RGS1: variants seen among roughly 807,000 people sequenced by gnomAD.
RGS1 encodes the protein B-cell activation protein BL34.
RGS1 carries 11 observed loss-of-function variants against 22.2 expected under a neutral mutation model. The observed-to-expected ratio is 0.50, with a 90% confidence interval of 0.31 to 0.82. RGS1 has a LOEUF of 0.82. RGS1 is among the 40% of genes least tolerant of loss of function. RGS1 has a pLI of 0.04. For missense variants in RGS1, 255 were observed against 245.8 expected, an observed-to-expected ratio of 1.04 and a Z score of -0.25; for synonymous variants, 81 against 79.9, an observed-to-expected ratio of 1.01 and a Z score of -0.07.
At chr1:192,576,694 A>G (rs2102319079) in intron 2 of RGS1, 80 bp from the exon 3 acceptor site, 2 of 1,203,364 alleles carry the variant, frequency 1.7e-6, no homozygotes, top group Middle Eastern at 2.0e-4. Context: ...TGAAGTTATC[A>G]AAGTGTAACA....
In RGS1 at chr1:192,579,555, A is replaced by T; in HGVS notation, c.*233A>T. ...AGGAAGATACTGTGGTACTGTCATA[A>T]AAAACAGTGGAGCTCTGTATTAGAA... On this transcript the variant is annotated 3_prime_UTR_variant, in exon 5 of 5. Transcript: ENST00000367459. The T allele has an allele frequency of 2.3e-6, 1 of 438,358 alleles. No individual in the cohort carries two copies. The allele number at this position is 438,358 out of a possible 1,614,324, so 27.2% of individuals were successfully genotyped here. A position where few individuals can be genotyped will look rare whatever the true frequency, so the allele number is the denominator to read the frequency against.
intron 4 of RGS1, chr1:192,578,797 A>G: frequency 2.8e-6 from 1 of 357,116 alleles, no homozygotes; most frequent in Non-Finnish European, 5.0e-6. Context: ...AGCAGAAAAT[A>G]TCAACAAAAA....
At chr1:192,577,786 C>T (rs1158255848) in intron 3 of RGS1, 2 of 174,290 alleles carry the variant, frequency 1.1e-5, no homozygotes, top group African/African-American at 2.4e-5. Flanking sequence ...CATTTTCTGG[C>T]TAATATAAAT....
rs764258837 is a variant in RGS1, at chr1:192,579,147, A to G, written c.455A>G (p.Asp152Gly). 2 of 1,611,264 alleles carry G rather than the reference A, an allele frequency of 1.2e-6. No individual in the cohort carries two copies. Among genetic ancestry groups the G allele is most frequent in the African/African-American group, 2.7e-5 (2 of 74,624 alleles). ...HSDAAKQINI[D>G]FRTRESTAKK... Reference sequence around the variant, plus strand: ...GGTTTTCTTTTTTAGATCAATATTGACTTCCGCACTCGAGAATCTACAGCC... The same window carrying G: ...GGTTTTCTTTTTTAGATCAATATTGGCTTCCGCACTCGAGAATCTACAGCC... The change falls in exon 5 of 5, where the codon GAC becomes GGC. Residue 152 changes from aspartate (D) to glycine (G), a missense_variant. By Grantham distance (94) the Asp-to-Gly change is moderately conservative. Coordinates refer to ENST00000367459, the MANE Select transcript of RGS1 (RefSeq NM_002922.4).
rs987679070 is a variant in RGS1 at position 192,578,303 on chromosome 1, A to G, written c.362A>G (p.Tyr121Cys). The G allele has an allele frequency of 3.7e-6, 6 of 1,613,188 alleles. No individual in the cohort carries two copies. Among genetic ancestry groups the G allele is most frequent in the African/African-American group, 1.3e-5 (1 of 74,982 alleles). ...GAGTTCTGGCTGGCTTGTGAAGACT[A>G]TAAGAAAACAGAGTCTGATCTTTTG... ...NIEFWLACED[Y>C]KKTESDLLPC... Residue 121 changes from tyrosine (Y) to cysteine (C), a missense_variant, in exon 4 of 5, where the codon TAT (tyrosine) becomes TGT (cysteine). Physicochemically the swap from Tyr to Cys is radical, Grantham distance 194. Coordinates refer to ENST00000367459, the MANE Select transcript of RGS1 (RefSeq NM_002922.4).
intron 3 of RGS1, 30 bp from the exon 4 acceptor site, chr1:192,578,192 T>C: frequency 3.2e-6 from 5 of 1,574,012 alleles, no homozygotes; most frequent in Non-Finnish European, 4.3e-6. Context: ...AATTTAATTA[T>C]CTCCCCACCC....
Position 192,578,312 on chromosome 1 carries a change from CAG to C in RGS1, c.374_375del (p.Glu125ValfsTer2), listed in dbSNP as rs774535088. ...CTGGCTTGTGAAGACTATAAGAAAA[CAG>C]AGTCTGATCTTTTGCCCTGTAAAGC... On this transcript the variant is annotated frameshift_variant, in exon 4 of 5. Coordinates refer to ENST00000367459, the MANE Select transcript of RGS1 (RefSeq NM_002922.4). LOFTEE classifies it high-confidence loss of function. 1.9e-6 allele frequency: 3 copies of C among 1,598,586 alleles called. No individual in the cohort carries two copies. Among genetic ancestry groups the C allele is most frequent in the Non-Finnish European group, 2.6e-6 (3 of 1,171,300 alleles).
intron 4 of RGS1, chr1:192,578,913 C>T (rs1012438423): frequency 4.0e-6 from 2 of 497,682 alleles, no homozygotes; most frequent in Non-Finnish European, 7.0e-6. Flanking sequence ...TTTTGCCTCT[C>T]CTAACTATAC....
At chr1:192,577,269 T>TA (rs1662078001) in intron 3 of RGS1, 1 of 154,924 alleles carries the variant, frequency 6.5e-6, no homozygotes, top group Non-Finnish European at 1.4e-5. Context: ...ATCTCACCCT[T>TA]ATGTAGAGGA....
chr1:192,578,780 T>G (rs1466570527), intron 4 of RGS1: 1 of 364,498 alleles, frequency 2.7e-6, no homozygotes, highest in Non-Finnish European at 4.9e-6. Context: ...TAAATATTCT[T>G]GGTCCAAGCA....
chr1:192,578,170 G>A, intron 3 of RGS1, 52 bp from the exon 4 acceptor site: 3 of 1,552,530 alleles, frequency 1.9e-6, no homozygotes, highest in Non-Finnish European at 2.6e-6. Flanking sequence ...TTATTCATTT[G>A]TTGGTTCATT....
chr1:192,575,885 T>C lies in RGS1; in HGVS notation c.93T>C (p.His31=), dbSNP rs1162423140. The part of the protein sequence containing the change: ...ANPKELKGTT[H]SLLDDKMQKR... ...CAAAGGAATTGAAAGGAACCACTCA[T>C]TCACTTCTAGACGACAAAATGCAAA... Residue 31 remains histidine, a synonymous_variant, in exon 1 of 5, where the codon CAT becomes CAC. Coordinates refer to ENST00000367459, the MANE Select transcript of RGS1 (RefSeq NM_002922.4). The C allele has an allele frequency of 1.2e-6, 2 of 1,613,340 alleles. No individual in the cohort carries two copies. Among genetic ancestry groups the C allele is most frequent in the Non-Finnish European group, 1.7e-6 (2 of 1,179,458 alleles).
At chr1:192,576,698 T>C in intron 2 of RGS1, 76 bp from the exon 3 acceptor site, 7 of 1,244,042 alleles carry the variant, frequency 5.6e-6, no homozygotes, top group Non-Finnish European at 8.0e-6. Context: ...GTTATCAAAG[T>C]GTAACAGCCA....
intron 3 of RGS1, 99 bp from the exon 4 acceptor site, chr1:192,578,123 A>G: frequency 7.3e-7 from 1 of 1,372,864 alleles, no homozygotes; most frequent in Non-Finnish European, 9.9e-7. Flanking sequence ...TATGAATAGG[A>G]AGCAATTGTA....
At chr1:192,576,924 A>T in intron 3 of RGS1, 89 bp downstream of exon 3, 3 of 1,119,562 alleles carry the variant, frequency 2.7e-6, no homozygotes, top group Admixed American at 4.1e-5. Context: ...TGGGTAGGAT[A>T]GTATGCAAAA....
intron 3 of RGS1, chr1:192,577,507 A>G (rs902339750): frequency 6.6e-6 from 1 of 152,174 alleles, no homozygotes; most frequent in Non-Finnish European, 1.5e-5. Flanking sequence ...TTACAATTCT[A>G]CTGAGATTAG....
In RGS1 at chr1:192,578,256, T is replaced by C; in HGVS notation, c.315T>C (p.Ser105=). 6.2e-7 allele frequency: 1 copy of C among 1,612,026 alleles called. No homozygotes were observed. ...GQNVFGSFLK[S]EFSEENIEFW... is the part of the protein sequence containing the mutation. The stretch of plus-strand genomic sequence containing the variant: ...ATGTCTTTGGAAGTTTCCTAAAGTC[T>C]GAATTCAGTGAGGAGAATATTGAGT... The change falls in exon 4 of 5, where the codon TCT becomes TCC. Residue 105 remains serine, a synonymous_variant. Coordinates refer to ENST00000367459, the MANE Select transcript of RGS1 (RefSeq NM_002922.4).
intron 3 of RGS1, 125 bp from the exon 4 acceptor site, chr1:192,578,097 C>A: frequency 9.0e-7 from 1 of 1,111,342 alleles, no homozygotes; most frequent in Non-Finnish European, 1.3e-6. Context: ...TCAGCAGTAG[C>A]TGTCTCTTAC....
chr1:192,577,260 T>C (rs1662077863), intron 3 of RGS1: 1 of 156,154 alleles, frequency 6.4e-6, no homozygotes, highest in South Asian at 2.0e-4. Context: ...TCATCATTCA[T>C]CTCACCCTTA....
Sources: gnomAD v4.1 joint callset for allele counts on GRCh38, gnomAD v4.1.1 for gene constraint, MANE v1.5 for transcripts, NCBI Gene and HGNC (gene_info 2026-07-23, HGNC 2026-07-21) for gene names.